TEAD1: variants seen among roughly 807,000 people sequenced by gnomAD.
TEAD1 encodes the protein transcriptional enhancer factor TEF-1.
In TEAD1, 9 loss-of-function variants were observed where a neutral mutation model predicts 54.9. The ratio of observed to expected loss-of-function variants is 0.16; its 90% CI spans 0.10 to 0.29. The LOEUF is 0.29. Ranked by LOEUF, TEAD1 falls within the 10% of genes least tolerant of loss-of-function variation. The pLI, the probability that TEAD1 is intolerant of heterozygous loss-of-function variation, is 1.00. For synonymous variants in TEAD1, 200 were observed against 187.8 expected (o/e 1.07, Z -0.53); for missense variants, 387 against 535.9 (o/e 0.72, Z 2.74).
At position 12,941,765 on chromosome 11, in the gene TEAD1, A is replaced by C. The variant is rs1179258281; in HGVS notation, c.*4543A>C. 1.3e-5 allele frequency: 2 copies of C among 152,624 alleles called. No homozygotes were observed. The highest frequency in any genetic ancestry group is 2.9e-5 in the Non-Finnish European group (2 of 68,036). 9.5% of individuals were successfully genotyped at this position (152,624 alleles called of 1,614,324 possible). A position where few individuals can be genotyped will look rare whatever the true frequency, so the allele number is the denominator to read the frequency against. ...GTTGCATGTAGGGTATGCAGTGCAA[A>C]AGGCTGCCTCAGAACTGTGAGCCCT... is the stretch of plus-strand genomic sequence containing the variant. On this transcript the variant is annotated 3_prime_UTR_variant, in exon 13 of 13. Transcript: ENST00000527636.
chr11:12,838,012 G>A (rs1281829501), intron 3 of TEAD1, among the ~76,000 whole-genome samples: 1 of 151,960 alleles, frequency 6.6e-6, no homozygotes, highest in Non-Finnish European at 1.5e-5. Context: ...GGCCAGGCTG[G>A]TCTCGAACTC....
At chr11:12,883,361 G>A (rs921122693) in intron 9 of TEAD1, among the ~76,000 whole-genome samples, 2 of 152,218 alleles carry the variant, frequency 1.3e-5, no homozygotes, top group African/African-American at 4.8e-5. Flanking sequence ...CCAAGGTGCT[G>A]TGGGGAATAC....
chr11:12,809,462 T>A (rs1323311263), intron 3 of TEAD1, among the ~76,000 whole-genome samples: 2 of 152,182 alleles, frequency 1.3e-5, no homozygotes, highest in Non-Finnish European at 2.9e-5. Flanking sequence ...TGGACTTGTG[T>A]CTTGTAGGCA....
intron 3 of TEAD1, among the ~76,000 whole-genome samples, chr11:12,764,945 A>G (rs1220559631): frequency 6.7e-6 from 1 of 150,140 alleles, no homozygotes; most frequent in Non-Finnish European, 1.5e-5. Context: ...TTTTAAAACA[A>G]CTCTGTACAG....
chr11:12,865,494 G>A (rs1446392833), intron 5 of TEAD1: 4 of 152,586 alleles, frequency 2.6e-5, no homozygotes, highest in African/African-American at 4.8e-5. Context: ...AGTGAATGGC[G>A]CTCTTATTAA....
At chr11:12,700,224 C>T (rs1943668700) in intron 2 of TEAD1, among the ~76,000 whole-genome samples, 1 of 152,128 alleles carries the variant, frequency 6.6e-6, no homozygotes, top group Non-Finnish European at 1.5e-5. Flanking sequence ...CACAAATACC[C>T]AACCTGTGTG....
intron 10 of TEAD1, among the ~76,000 whole-genome samples, chr11:12,917,212 G>A (rs747813304): frequency 3.9e-5 from 6 of 152,178 alleles, no homozygotes; most frequent in Non-Finnish European, 8.8e-5. Flanking sequence ...CTGGCAATGT[G>A]AGAAGGATTC....
chr11:12,862,705 T>C (rs756810094), intron 4 of TEAD1, among the ~76,000 whole-genome samples: 1 of 152,186 alleles, frequency 6.6e-6, no homozygotes, highest in African/African-American at 2.4e-5. Flanking sequence ...CCTGGAGCGA[T>C]TATATATTAG....
At chr11:12,929,222 A>G (rs1363727623) in intron 11 of TEAD1, among the ~76,000 whole-genome samples, 1 of 143,274 alleles carries the variant, frequency 7.0e-6, no homozygotes, top group African/African-American at 2.6e-5. Flanking sequence ...GTTATGTGAA[A>G]TAATCTCTTA....
At chr11:12,843,240 C>G (rs1046925790) in intron 3 of TEAD1, among the ~76,000 whole-genome samples, 2 of 152,182 alleles carry the variant, frequency 1.3e-5, no homozygotes, top group Non-Finnish European at 2.9e-5. Flanking sequence ...CCGAGCCCAG[C>G]TCTAAGGGTA....
chr11:12,937,041 G>A (rs138202514), intron 12 of TEAD1, 68 bp from the exon 13 acceptor site: 163 of 1,096,370 alleles, frequency 1.5e-4, no homozygotes, highest in Middle Eastern at 1.4e-3. Flanking sequence ...TTAAGTCATA[G>A]TCGTCATACA....
At chr11:12,846,181 A>G (rs1947147556) in intron 3 of TEAD1, among the ~76,000 whole-genome samples, 1 of 152,212 alleles carries the variant, frequency 6.6e-6, no homozygotes, top group Non-Finnish European at 1.5e-5. Flanking sequence ...CCTTTGTCAC[A>G]TGACCTGCTG....
chr11:12,769,989 A>G (rs1945282921), intron 3 of TEAD1, among the ~76,000 whole-genome samples: 1 of 152,128 alleles, frequency 6.6e-6, no homozygotes, highest in Non-Finnish European at 1.5e-5. Context: ...AAAAAGAAGG[A>G]AAAAAAGAGG....
intron 2 of TEAD1, among the ~76,000 whole-genome samples, chr11:12,709,838 T>C (rs1943896879): frequency 6.6e-6 from 1 of 152,160 alleles, no homozygotes; most frequent in African/African-American, 2.4e-5. Context: ...CCTGATAGTT[T>C]CTTTTTAGAA....
chr11:12,701,857 C>T (rs1485312165), intron 2 of TEAD1, among the ~76,000 whole-genome samples: 1 of 152,104 alleles, frequency 6.6e-6, no homozygotes, highest in Admixed American at 6.5e-5. Context: ...TTATGATCTC[C>T]TGGACTACAC....
chr11:12,680,294 T>G (rs1401306631), intron 2 of TEAD1, among the ~76,000 whole-genome samples: 3 of 152,232 alleles, frequency 2.0e-5, no homozygotes, highest in African/African-American at 7.2e-5. Context: ...CCTCCAGGAA[T>G]CAATTTTAAT....
At chr11:12,874,228 G>A (rs1224139347) in intron 5 of TEAD1, among the ~76,000 whole-genome samples, 3 of 152,118 alleles carry the variant, frequency 2.0e-5, no homozygotes, top group Non-Finnish European at 4.4e-5. Context: ...GTTTGTTCAT[G>A]GTAATACCTA....
At position 12,709,588 on chromosome 11, in the gene TEAD1, G is replaced by A. The variant is rs556784845; in HGVS notation, c.-55+34027G>A. On this transcript the variant is annotated intron_variant, in intron 2 of 12. Coordinates refer to ENST00000527636, the MANE Select transcript of TEAD1 (RefSeq NM_021961.6). ...CAGGTTGGAGTGCAATGGTGTGATC[G>A]TAGCCCACTGTGTCCTTGAACTCAT... Among the ~76,000 whole-genome samples, 83 of 152,048 alleles carry A rather than the reference G, an allele frequency of 5.5e-4. 1 individual carries two copies. Among genetic ancestry groups the A allele is most frequent in the African/African-American group, 1.9e-3 (80 of 41,486 alleles).
chr11:12,791,045 A>G (rs1312230386), intron 3 of TEAD1, among the ~76,000 whole-genome samples: 1 of 152,256 alleles, frequency 6.6e-6, no homozygotes, highest in East Asian at 1.9e-4. Context: ...TTGTATGCAC[A>G]TATTCACATT....
Sources: gnomAD v4.1 joint callset for allele counts (sites outside exome capture counted in the v4.1 genomes callset) on GRCh38, gnomAD v4.1.1 for gene constraint, MANE v1.5 for transcripts, NCBI Gene and HGNC (gene_info 2026-07-23, HGNC 2026-07-21) for gene names.